Variants in OLFM1 observed in about 807,000 individuals in gnomAD.
OLFM1 encodes olfactomedin 1.
Under a neutral mutation model 49.7 loss-of-function variants are expected in OLFM1, and 9 were observed. The ratio of observed to expected loss-of-function variants is 0.18; its 90% CI spans 0.11 to 0.32. The LOEUF is 0.32. OLFM1 is among the 10% of genes least tolerant of loss of function. OLFM1 has a pLI of 1.00. For synonymous variants in OLFM1, 240 were observed against 271.8 expected (o/e 0.88, Z 1.15); for missense variants, 369 against 661.8 (o/e 0.56, Z 4.85).
At position 135,088,548 on chromosome 9, in the gene OLFM1, C is replaced by T. The variant is rs1243735877; in HGVS notation, c.150+409C>T. On this transcript the variant is annotated intron_variant, in intron 1 of 5. Transcript: ENST00000371793. This position sits in a 1 kb window ranked among gnomAD's most constrained non-coding sequence, Gnocchi z 4.8. ...CTCAGCGAGTGAGGGGTGGAGCCGC[C>T]GCTAGACCCTAGTCTGGGCTCGGTC... 6.6e-6 allele frequency among the ~76,000 whole-genome samples: 1 copy of T among 152,082 alleles called. No individual in the cohort carries two copies. Among genetic ancestry groups the T allele is most frequent in the Non-Finnish European group, 1.5e-5 (1 of 68,008 alleles).
Position 135,090,178 on chromosome 9 carries a change from GC to G in OLFM1, c.151-13del, listed in dbSNP as rs748224828. Reference sequence around the variant, plus strand: ...TTTCTCTCCTTCCCTCTCCCTTCCCGCCCCGCCCCTCTCCAGGTGCTGCCCA... The same window carrying G: ...TTTCTCTCCTTCCCTCTCCCTTCCCGCCCGCCCCTCTCCAGGTGCTGCCCA... On this transcript the variant is annotated splice_polypyrimidine_tract_variant and intron_variant, in intron 1 of 5. Transcript: ENST00000371793. The G allele has an allele frequency of 1.9e-6, 3 of 1,581,802 alleles. No individual in the cohort carries two copies. The highest frequency in any genetic ancestry group is 2.6e-6 in the Non-Finnish European group (3 of 1,156,174).
intron 3 of OLFM1, among the ~76,000 whole-genome samples, chr9:135,096,925 A>G (rs1830806542): frequency 6.6e-6 from 1 of 152,230 alleles, no homozygotes. Flanking sequence ...TCATAGATAC[A>G]GATGTGCAGC....
In OLFM1 at chr9:135,098,131, A is replaced by G. The variant is rs1830824897; in HGVS notation, c.457-155A>G. ...ATGCTGGTGTTCTGAGGACTGTTTA[A>G]TATGCTCTTCTAACTCATTTGGACC... On this transcript the variant is annotated intron_variant, in intron 3 of 5. Coordinates refer to ENST00000371793, the MANE Select transcript of OLFM1 (RefSeq NM_001282611.2). This position sits in a 1 kb window ranked among gnomAD's most constrained non-coding sequence, Gnocchi z 5.6. 2.5e-5 allele frequency: 36 copies of G among 1,438,728 alleles called. 1 individual carries two copies. Among genetic ancestry groups the G allele is most frequent in the Non-Finnish European group, 3.2e-5 (35 of 1,101,022 alleles). The allele number at this position is 1,438,728 out of a possible 1,614,324, so 89.1% of individuals were successfully genotyped here.
intron 1 of OLFM1, among the ~76,000 whole-genome samples, chr9:135,077,954 C>T (rs1258701544): frequency 6.6e-6 from 1 of 152,210 alleles, no homozygotes; most frequent in Non-Finnish European, 1.5e-5. Context: ...CTACCCTAGT[C>T]CCCACCTGGG....
intron 3 of OLFM1, chr9:135,097,861 A>G: frequency 1.9e-6 from 3 of 1,606,074 alleles, no homozygotes; most frequent in Admixed American, 1.7e-5. Context: ...AGAGAGCCAG[A>G]GAGCTTTTTG....
At chr9:135,105,174 T>C (rs998774137) in intron 4 of OLFM1, among the ~76,000 whole-genome samples, 2 of 152,136 alleles carry the variant, frequency 1.3e-5, no homozygotes, top group Non-Finnish European at 2.9e-5. Flanking sequence ...TAATTCCTCC[T>C]GAAAGTAGGA....
chr9:135,076,940 C>A, intron 1 of OLFM1: 2 of 1,550,622 alleles, frequency 1.3e-6, no homozygotes, highest in South Asian at 1.2e-5. Flanking sequence ...TGGCTCTGCC[C>A]AGGATGTGCA....
At position 135,119,911 on chromosome 9, in the gene OLFM1, C is replaced by T. The variant is rs772165996; in HGVS notation, c.1191C>T (p.Tyr397=). The T allele has an allele frequency of 4.3e-6, 7 of 1,613,408 alleles. No individual in the cohort carries two copies. The highest frequency in any genetic ancestry group is 5.1e-6 in the Non-Finnish European group (6 of 1,180,028). The change falls in exon 6 of 6, where the codon TAC becomes TAT. Residue 397 remains tyrosine, a synonymous_variant. Transcript: ENST00000371793. ...CCCTGCAGACCTGGAACACGAGCTA[C>T]CCCAAGCGCAGCGCCGGGGAGGCCT... The part of the protein sequence containing the change: ...LQTLQTWNTS[Y]PKRSAGEAFI...
chr9:135,095,923 G>A lies in OLFM1; in HGVS notation c.360G>A (p.Gln120=). The A allele has an allele frequency of 2.0e-5, 32 of 1,613,138 alleles. 1 individual carries two copies. The highest frequency in any genetic ancestry group is 2.7e-5 in the Non-Finnish European group (32 of 1,179,548). ...ACAGGCGGACCCAGAGAGACTTGCA[G>A]TACGTGGAGAAGATGGAGAACCAAA... ...VLDRRTQRDL[Q]YVEKMENQMK... The change falls in exon 3 of 6, where the codon CAG becomes CAA. Residue 120 remains glutamine, a synonymous_variant. Coordinates refer to ENST00000371793, the MANE Select transcript of OLFM1 (RefSeq NM_001282611.2).
upstream of OLFM1, chr9:135,087,331 C>G (rs770404077): frequency 7.4e-5 from 114 of 1,536,668 alleles, 2 homozygotes; most frequent in South Asian, 1.3e-3. Context: ...TGCCCCAAAG[C>G]GGACCCTCTG....
rs200077953 is a variant in OLFM1, at chr9:135,106,904, C to T, written c.783+49C>T. ...GGGGTCATTTGGGCAAGGGCGCTCT[C>T]GGACACCTGGTGGGCCCCAGACATG... On this transcript the variant is annotated intron_variant, in intron 5 of 5. Transcript: ENST00000371793. 12 of 1,435,122 alleles carry T rather than the reference C, an allele frequency of 8.4e-6. No homozygotes were observed. The East Asian group carries it at 1.2e-4, about 15-fold the overall frequency. 88.9% of individuals were successfully genotyped at this position (1,435,122 alleles called of 1,614,324 possible). A position where few individuals can be genotyped will look rare whatever the true frequency, so the allele number is the denominator to read the frequency against.
intron 1 of OLFM1, chr9:135,075,834 C>T (rs1482191277): frequency 8.3e-6 from 13 of 1,570,788 alleles, no homozygotes; most frequent in Non-Finnish European, 1.0e-5. Context: ...TTCCTCCCTG[C>T]CAGGCGCCCG....
chr9:135,099,914 G>C (rs1273495695), intron 4 of OLFM1, among the ~76,000 whole-genome samples: 1 of 152,222 alleles, frequency 6.6e-6, no homozygotes, highest in Non-Finnish European at 1.5e-5. Flanking sequence ...GAATGTTAAT[G>C]ATGATAGGGC....
At chr9:135,116,876 T>TG (rs1831103053) in intron 5 of OLFM1, among the ~76,000 whole-genome samples, 1 of 134,440 alleles carries the variant, frequency 7.4e-6, no homozygotes, top group Non-Finnish European at 1.7e-5. Flanking sequence ...GAGGCCCAGC[T>TG]GAAAAAAAAA....
upstream of OLFM1, chr9:135,087,165 C>T (rs1432628066): frequency 2.3e-6 from 3 of 1,326,686 alleles, no homozygotes; most frequent in Non-Finnish European, 3.0e-6. Context: ...CCCGACGCCC[C>T]CCTGGCGCTG....
At chr9:135,092,681 T>C (rs1053291456) in intron 2 of OLFM1, among the ~76,000 whole-genome samples, 2 of 152,100 alleles carry the variant, frequency 1.3e-5, no homozygotes, top group Non-Finnish European at 2.9e-5. Context: ...GGGAAATGGA[T>C]TCCAGAATGC....
intron 1 of OLFM1, among the ~76,000 whole-genome samples, chr9:135,079,386 T>C (rs1415284124): frequency 6.6e-6 from 1 of 151,978 alleles, no homozygotes; most frequent in Non-Finnish European, 1.5e-5. Context: ...CTTTGATCAC[T>C]TGAGGTCAGG....
At chr9:135,093,774 A>G (rs554632675) in intron 2 of OLFM1, among the ~76,000 whole-genome samples, 1 of 152,132 alleles carries the variant, frequency 6.6e-6, no homozygotes, top group Admixed American at 6.5e-5. Context: ...GGGTTGGGAG[A>G]TGGGTGCGTG....
At chr9:135,087,116 C>T (rs1032476127), upstream of OLFM1, 8 of 928,556 alleles carry the variant, frequency 8.6e-6, no homozygotes, top group African/African-American at 1.2e-4. Context: ...CCGCGGCTGC[C>T]CTGGGATCGC....
Sources: gnomAD v4.1 joint callset for allele counts (sites outside exome capture counted in the v4.1 genomes callset) on GRCh38, gnomAD v4.1.1 for gene constraint, Gnocchi (gnomAD v3.1) non-coding constraint, MANE v1.5 for transcripts, NCBI Gene and HGNC (gene_info 2026-07-23, HGNC 2026-07-21) for gene names.